RNF150: variants seen among roughly 807,000 people sequenced by gnomAD.
RNF150 encodes ring finger protein 150.
In RNF150, 24 loss-of-function variants were observed where a neutral mutation model predicts 39.3. The observed-to-expected ratio is 0.61, with a 90% CI of 0.44 to 0.86. The LOEUF is 0.86. Ranked by LOEUF, RNF150 falls within the 40% of genes least tolerant of loss-of-function variation. The pLI is 0.00. For synonymous variants in RNF150, 255 were observed against 227.3 expected (o/e 1.12, Z -1.10); for missense variants, 502 against 587.8 (o/e 0.85, Z 1.51).
chr4:141,164,062 C>T (rs1050251214), intron 1 of RNF150, among the ~76,000 whole-genome samples: 2 of 151,206 alleles, frequency 1.3e-5, no homozygotes, highest in African/African-American at 2.4e-5. Flanking sequence ...CTTGATAAAA[C>T]GTTACAGGAA....
chr4:141,073,095 A>T (rs962280886), intron 1 of RNF150, among the ~76,000 whole-genome samples: 5 of 152,002 alleles, frequency 3.3e-5, no homozygotes, highest in African/African-American at 1.2e-4. Context: ...CATCATGTTA[A>T]TCCCAGCTAC....
Position 140,987,702 on chromosome 4 carries a change from G to C in RNF150, c.485-19829C>G, listed in dbSNP as rs77446832. On this transcript the variant is annotated intron_variant, in intron 1 of 6. Transcript: ENST00000515673. ...AAATGCCATTCTGGACTTTGACCTTGAGAAAGAATTTATGACTAAGTCTTC... is the reference window on the plus strand; with the variant it reads ...AAATGCCATTCTGGACTTTGACCTTCAGAAAGAATTTATGACTAAGTCTTC... Among the ~76,000 whole-genome samples the C allele has an allele frequency of 4.6e-3, 707 of 152,188 alleles. 6 individuals carry two copies. Among genetic ancestry groups the C allele is most frequent in the African/African-American group, 0.016 (675 of 41,536 alleles).
chr4:141,099,791 AT>A (rs1738941912), intron 1 of RNF150, among the ~76,000 whole-genome samples: 1 of 151,898 alleles, frequency 6.6e-6, no homozygotes, highest in African/African-American at 2.4e-5. Flanking sequence ...AGTTATATAT[AT>A]AAAAAAAAAA....
rs560986457 is a variant in RNF150 at position 140,982,287 on chromosome 4, C to G, written c.485-14414G>C. Among the ~76,000 whole-genome samples, 3 of 152,214 alleles carry G rather than the reference C, an allele frequency of 2.0e-5. No homozygotes were observed. In the South Asian group the frequency reaches 6.2e-4, roughly 32 times the overall value. ...CACCTTATTCATCATCATCACTGAA[C>G]AGAGTTTTAGGCCAGAGCTTGAGCC... On this transcript the variant is annotated intron_variant, in intron 1 of 6. Transcript: ENST00000515673.
chr4:141,013,120 A>G (rs1004179087), intron 1 of RNF150, among the ~76,000 whole-genome samples: 2 of 152,198 alleles, frequency 1.3e-5, no homozygotes, highest in Admixed American at 1.3e-4. Context: ...TTTTACAAAA[A>G]GTTGTTAAAT....
chr4:140,901,908 C>G (rs761056715), intron 6 of RNF150, among the ~76,000 whole-genome samples: 8 of 152,066 alleles, frequency 5.3e-5, no homozygotes, highest in Non-Finnish European at 8.8e-5. Context: ...GTACCTGGAA[C>G]CACAAGTGGC....
In RNF150 at chr4:141,000,027, A is replaced by G. The variant is rs868492301; in HGVS notation, c.485-32154T>C. ...GAAGAAGAAGAAGAAGAAGAAGAAG[A>G]AGAAGAAGAAGAAGAAGAAGAAGAA... On this transcript the variant is annotated intron_variant, in intron 1 of 6. Coordinates refer to ENST00000515673, the MANE Select transcript of RNF150 (RefSeq NM_020724.2). 9.5e-4 allele frequency among the ~76,000 whole-genome samples: 32 copies of G among 33,780 alleles called. 3 individuals are homozygous for G. The highest frequency in any genetic ancestry group is 2.4e-3 in the Non-Finnish European group (28 of 11,660). 22.2% of individuals were successfully genotyped at this position (33,780 alleles called of 152,430 possible).
intron 1 of RNF150, among the ~76,000 whole-genome samples, chr4:141,015,003 CATAAG>C (rs1027332123): frequency 5.9e-5 from 9 of 152,198 alleles, no homozygotes; most frequent in African/African-American, 2.2e-4. Flanking sequence ...TTTGACATGG[CATAAG>C]ATAAGCGTCA....
intron 1 of RNF150, chr4:141,053,651 GA>G: frequency 7.7e-7 from 1 of 1,296,280 alleles, no homozygotes; most frequent in Non-Finnish European, 9.9e-7. Flanking sequence ...GTGCATTTTA[GA>G]GGCTAAAGCA....
intron 6 of RNF150, among the ~76,000 whole-genome samples, chr4:140,869,008 C>A (rs1423081121): frequency 6.6e-6 from 1 of 152,106 alleles, no homozygotes; most frequent in Admixed American, 6.6e-5. Flanking sequence ...TAGGTAGGTA[C>A]ATGATACATT....
At chr4:141,085,166 T>C (rs1489122723) in intron 1 of RNF150, among the ~76,000 whole-genome samples, 2 of 152,186 alleles carry the variant, frequency 1.3e-5, no homozygotes, top group Non-Finnish European at 2.9e-5. Flanking sequence ...AGCAAAGGCA[T>C]GTCTTACATG....
At position 140,945,562 on chromosome 4, in the gene RNF150, TATAC is replaced by T. The variant is rs894295698; in HGVS notation, c.890+2088_890+2091del. Among the ~76,000 whole-genome samples the T allele has an allele frequency of 4.9e-3, 721 of 146,940 alleles. 4 individuals carry two copies. Among genetic ancestry groups the T allele is most frequent in the African/African-American group, 0.016 (655 of 40,352 alleles). On this transcript the variant is annotated intron_variant, in intron 4 of 6. Transcript: ENST00000515673. ...AATACATATATACACTACATATATA[TATAC>T]ATATATACATATATATACTACATAT...
chr4:141,196,987 T>A, intron 1 of RNF150, among the ~76,000 whole-genome samples: 1 of 152,190 alleles, frequency 6.6e-6, no homozygotes, highest in East Asian at 1.9e-4. Context: ...TAAGAAAACA[T>A]GAACATAAAT....
chr4:141,080,792 G>A (rs72933007), intron 1 of RNF150, among the ~76,000 whole-genome samples: 62 of 152,300 alleles, frequency 4.1e-4, no homozygotes, highest in African/African-American at 1.3e-3. Flanking sequence ...TTAGGATTCT[G>A]GAGCTGCACA....
At chr4:140,910,977 G>T in intron 6 of RNF150, 167 bp downstream of exon 6, 2 of 632,960 alleles carry the variant, frequency 3.2e-6, no homozygotes, top group African/African-American at 1.8e-5. Context: ...CTGCCCTGCT[G>T]GCTCTAGGAA....
chr4:141,202,513 TA>T (rs1219525257), intron 1 of RNF150, among the ~76,000 whole-genome samples: 5 of 152,028 alleles, frequency 3.3e-5, no homozygotes, highest in African/African-American at 9.6e-5. Flanking sequence ...GTAAGACCTT[TA>T]AAAAAAATTA....
At chr4:141,147,424 G>A (rs563420723) in intron 1 of RNF150, among the ~76,000 whole-genome samples, 2 of 152,148 alleles carry the variant, frequency 1.3e-5, no homozygotes, top group Non-Finnish European at 2.9e-5. Context: ...GATTACACAG[G>A]AGGTTTTCAT....
At chr4:141,118,285 C>T (rs1325977132) in intron 1 of RNF150, among the ~76,000 whole-genome samples, 1 of 152,118 alleles carries the variant, frequency 6.6e-6, no homozygotes, top group East Asian at 1.9e-4. Flanking sequence ...AGGCTGCTGC[C>T]CTATGACCTT....
At chr4:141,071,854 A>G (rs1737719211) in intron 1 of RNF150, among the ~76,000 whole-genome samples, 1 of 152,176 alleles carries the variant, frequency 6.6e-6, no homozygotes, top group African/African-American at 2.4e-5. Flanking sequence ...CAAAAGCTAT[A>G]ATGCCAAGGC....
Sources: allele counts gnomAD v4.1 joint callset (sites outside exome capture counted in the v4.1 genomes callset), GRCh38; gene constraint gnomAD v4.1.1; transcripts MANE v1.5; gene names NCBI Gene and HGNC (gene_info 2026-07-23, HGNC 2026-07-21).